ZBTB5: variants seen among roughly 807,000 people sequenced by gnomAD.
ZBTB5 encodes zinc finger and BTB domain containing 5.
ZBTB5 carries 15 observed loss-of-function variants against 37.9 expected under a neutral mutation model. The ratio of observed to expected loss-of-function variants is 0.40; its 90% CI spans 0.26 to 0.61. The LOEUF is 0.61. Among genes scored for constraint, ZBTB5 ranks in the 20% least tolerant of loss-of-function variants. The pLI is 0.47. For missense variants in ZBTB5, 708 were observed against 856.8 expected, an observed-to-expected ratio of 0.83 and a Z score of 2.17; for synonymous variants, 315 against 312.4, an observed-to-expected ratio of 1.01 and a Z score of -0.09.
intron 1 of ZBTB5, among the ~76,000 whole-genome samples, chr9:37,445,892 G>A (rs992059136): frequency 6.6e-6 from 1 of 151,998 alleles, no homozygotes; most frequent in African/African-American, 2.4e-5. Flanking sequence ...TTTGAGCTCA[G>A]GAGTTCGAGA....
chr9:37,458,699 G>A (rs1438742419), intron 1 of ZBTB5, among the ~76,000 whole-genome samples: 2 of 152,138 alleles, frequency 1.3e-5, no homozygotes, highest in Admixed American at 6.5e-5. Flanking sequence ...TTAATGAAAT[G>A]TGATTTTTTT....
At position 37,440,870 on chromosome 9, in the gene ZBTB5, T is replaced by C. The variant is rs1363396299; in HGVS notation, c.1682A>G (p.Gln561Arg). 1 of 1,614,094 alleles carries C rather than the reference T, an allele frequency of 6.2e-7. No individual in the cohort carries two copies. The highest frequency in any genetic ancestry group is 1.3e-5 in the African/African-American group (1 of 74,922). The change falls in exon 2 of 2, where the codon CAG becomes CGG. Residue 561 changes from glutamine to arginine, a missense_variant. Coordinates refer to ENST00000307750, the MANE Select transcript of ZBTB5 (RefSeq NM_014872.3). ...GGACGTAGCTCCATTCATCATTAGC[T>C]GAGAACTGGTAGAGTTTTCTGGGAT... ...SQIPENSTSS[Q>R]LMMNGATSSF...
In ZBTB5 at chr9:37,442,182, G is replaced by A. The variant is rs769002352; in HGVS notation, c.370C>T (p.Leu124=). ...CGCTCACTGGGGGGAGACATGGGCA[G>A]CGTCCTTGTCGTTAAGTAATGTTTA... ...ACKHYLTTRT[L]PMSPPSERVQ... Residue 124 remains leucine, a synonymous_variant, in exon 2 of 2, where the codon CTG becomes TTG. Transcript: ENST00000307750. The A allele has an allele frequency of 1.2e-6, 2 of 1,614,232 alleles. No individual in the cohort carries two copies. Among genetic ancestry groups the A allele is most frequent in the East Asian group, 2.2e-5 (1 of 44,888 alleles).
chr9:37,442,065 T>C lies in ZBTB5; in HGVS notation c.487A>G (p.Asn163Asp). 1 of 1,613,952 alleles carries C rather than the reference T, an allele frequency of 6.2e-7. No individual in the cohort carries two copies. Among genetic ancestry groups the C allele is most frequent in the Non-Finnish European group, 8.5e-7 (1 of 1,180,034 alleles). ...ATGGGGGCTGGCTGCTCCTCGCCATTCTGGCTGGAATTGAGGGCTGAGCTC... is the reference window on the plus strand; with the variant it reads ...ATGGGGGCTGGCTGCTCCTCGCCATCCTGGCTGGAATTGAGGGCTGAGCTC... ...IVSSALNSSQ[N>D]GEEQPAPMSS... is the part of the protein sequence containing the mutation. Residue 163 changes from asparagine to aspartate, a missense_variant, in exon 2 of 2, where the codon AAT (asparagine) becomes GAT (aspartate). Transcript: ENST00000307750.
chr9:37,460,350 C>A (rs1199900018), intron 1 of ZBTB5, among the ~76,000 whole-genome samples: 1 of 151,410 alleles, frequency 6.6e-6, no homozygotes, highest in Non-Finnish European at 1.5e-5. Flanking sequence ...GCAGGAGAAT[C>A]GCTTGAACCC....
At chr9:37,447,568 A>G (rs530694646) in intron 1 of ZBTB5, among the ~76,000 whole-genome samples, 217 of 152,280 alleles carry the variant, frequency 1.4e-3, no homozygotes, top group African/African-American at 5.1e-3. Context: ...GCTTCAAGCA[A>G]TCCTCCTGCC....
At chr9:37,462,723 C>T (rs573043282) in intron 1 of ZBTB5, among the ~76,000 whole-genome samples, 2 of 152,196 alleles carry the variant, frequency 1.3e-5, no homozygotes, top group African/African-American at 4.8e-5. Context: ...GTCACCATGC[C>T]GGGTTAATTT....
At chr9:37,456,992 G>A (rs910454241) in intron 1 of ZBTB5, among the ~76,000 whole-genome samples, 26 of 152,156 alleles carry the variant, frequency 1.7e-4, no homozygotes, top group African/African-American at 4.6e-4. Context: ...TCTTTTGTTC[G>A]AAACAAAATT....
In ZBTB5 at chr9:37,465,239, T is replaced by C. The variant is rs1322217354; in HGVS notation, c.-29A>G. Reference sequence around the variant, plus strand: ...CCTGAGTCGGGCTCCGCCCCCCTCCTCCTCGCTGAAGGAGGCGGTGACCCC... The same window carrying C: ...CCTGAGTCGGGCTCCGCCCCCCTCCCCCTCGCTGAAGGAGGCGGTGACCCC... On this transcript the variant is annotated 5_prime_UTR_variant, in exon 1 of 2. Coordinates refer to ENST00000307750, the MANE Select transcript of ZBTB5 (RefSeq NM_014872.3). 6.6e-6 allele frequency: 1 copy of C among 151,824 alleles called. No individual in the cohort carries two copies. Among genetic ancestry groups the C allele is most frequent in the African/African-American group, 2.4e-5 (1 of 41,274 alleles). 9.4% of individuals were successfully genotyped at this position (151,824 alleles called of 1,614,324 possible).
chr9:37,450,985 C>G (rs1011037456), intron 1 of ZBTB5, among the ~76,000 whole-genome samples: 1 of 151,922 alleles, frequency 6.6e-6, no homozygotes, highest in South Asian at 2.1e-4. Context: ...AAACAGGAAC[C>G]TGGGCAACAT....
rs187241865 is a variant in ZBTB5 at position 37,450,118 on chromosome 9, A to G, written c.-4-7563T>C. ...CAAGCCTGCCTATAAAATCTGGCAA[A>G]TTCTGCCACCGGCTGGTCGTTTCCT... On this transcript the variant is annotated intron_variant, in intron 1 of 1. Transcript: ENST00000307750. 4.6e-5 allele frequency among the ~76,000 whole-genome samples: 7 copies of G among 152,240 alleles called. No homozygotes were observed. In the East Asian group the frequency reaches 1.4e-3, roughly 29 times the overall value.
chr9:37,454,671 T>C (rs1824156575), intron 1 of ZBTB5, among the ~76,000 whole-genome samples: 1 of 152,266 alleles, frequency 6.6e-6, no homozygotes, highest in Non-Finnish European at 1.5e-5. Flanking sequence ...AAAGTTCCTT[T>C]CTGTCTTCGG....
chr9:37,459,081 G>A (rs1276889875), intron 1 of ZBTB5, among the ~76,000 whole-genome samples: 2 of 152,180 alleles, frequency 1.3e-5, no homozygotes, highest in African/African-American at 2.4e-5. Context: ...GTGTATCACG[G>A]CAAAATGAAT....
intron 1 of ZBTB5, among the ~76,000 whole-genome samples, chr9:37,449,694 CAAAAAAA>C (rs60696023): frequency 1.0e-4 from 5 of 50,088 alleles, no homozygotes; most frequent in South Asian, 7.7e-4. Flanking sequence ...ATGAGACTCT[CAAAAAAA>C]AAAAAAAAAA....
chr9:37,460,397 T>C (rs940083480), intron 1 of ZBTB5, among the ~76,000 whole-genome samples: 13 of 151,358 alleles, frequency 8.6e-5, no homozygotes, highest in Admixed American at 5.9e-4. Context: ...GATCGCGCCA[T>C]TGCGCTGGAT....
At chr9:37,462,211 A>G (rs1824306064) in intron 1 of ZBTB5, among the ~76,000 whole-genome samples, 1 of 152,346 alleles carries the variant, frequency 6.6e-6, no homozygotes, top group East Asian at 1.9e-4. Flanking sequence ...ACACTAGGAA[A>G]AAAACTGCCA....
chr9:37,442,231 A>G lies in ZBTB5; in HGVS notation c.321T>C (p.His107=). The G allele has an allele frequency of 6.2e-7, 1 of 1,614,224 alleles. No individual in the cohort carries two copies. The part of the protein sequence containing the change: ...MDVLLAASHL[H]LNSVVKACKH... ...TACATGCCTTAACAACAGAGTTCAA[A>G]TGCAGGTGAGAGGCTGCCAATAAGA... Residue 107 remains histidine, a synonymous_variant, in exon 2 of 2, where the codon CAT becomes CAC. Coordinates refer to ENST00000307750, the MANE Select transcript of ZBTB5 (RefSeq NM_014872.3).
chr9:37,442,592 G>C (rs781568714), intron 1 of ZBTB5, 37 bp from the exon 2 acceptor site: 1 of 1,513,488 alleles, frequency 6.6e-7, no homozygotes, highest in Non-Finnish European at 8.9e-7. Context: ...TTAAGACCTA[G>C]AAAAGCTTCA....
intron 1 of ZBTB5, among the ~76,000 whole-genome samples, chr9:37,450,633 C>A (rs531869860): frequency 6.6e-6 from 1 of 151,930 alleles, no homozygotes; most frequent in South Asian, 2.1e-4. Context: ...AATCCCAGCA[C>A]TTTGGGAGAT....
Sources: gnomAD v4.1 joint callset for allele counts (sites outside exome capture counted in the v4.1 genomes callset) on GRCh38, gnomAD v4.1.1 for gene constraint, MANE v1.5 for transcripts, NCBI Gene and HGNC (gene_info 2026-07-23, HGNC 2026-07-21) for gene names.